Variants in DMXL2 observed in about 807,000 individuals in gnomAD.
The protein encoded by DMXL2 is Dmx like 2.
DMXL2 carries 103 observed loss-of-function variants against 331.1 expected under a neutral mutation model. The ratio of observed to expected loss-of-function variants is 0.31; its 90% CI spans 0.27 to 0.37. DMXL2 has a LOEUF of 0.37. Ranked by LOEUF, DMXL2 falls within the 10% of genes least tolerant of loss-of-function variation. The probability of loss-of-function intolerance (pLI) is 1.00; values close to 1 mark genes in which losing one functional copy is unlikely to be tolerated. For missense variants in DMXL2, 3,171 were observed against 3,642.9 expected (o/e 0.87, Z 3.33); for synonymous variants, 1,281 against 1,252.1 (o/e 1.02, Z -0.49).
At chr15:51,505,000 C>T (rs1430407430) in intron 16 of DMXL2, among the ~76,000 whole-genome samples, 1 of 152,198 alleles carries the variant, frequency 6.6e-6, no homozygotes, top group South Asian at 2.1e-4. Flanking sequence ...TATAATGGGA[C>T]TTGGTCAAGT....
intron 13 of DMXL2, among the ~76,000 whole-genome samples, chr15:51,518,319 C>A (rs534969953): frequency 6.6e-6 from 1 of 151,766 alleles, no homozygotes; most frequent in Non-Finnish European, 1.5e-5. Flanking sequence ...GGTGACAGGG[C>A]GAGACTCCGT....
chr15:51,469,762 G>A (rs1257177606), intron 29 of DMXL2, among the ~76,000 whole-genome samples: 2 of 152,246 alleles, frequency 1.3e-5, no homozygotes, highest in East Asian at 3.9e-4. Context: ...AAAAAGGTAG[G>A]AGTGGGAACT....
intron 1 of DMXL2, among the ~76,000 whole-genome samples, chr15:51,581,472 A>G (rs2051414591): frequency 6.6e-6 from 1 of 152,186 alleles, no homozygotes; most frequent in South Asian, 2.1e-4. Context: ...TAAATTTAAG[A>G]GACAAAAAAA....
intron 14 of DMXL2, among the ~76,000 whole-genome samples, chr15:51,516,028 T>A (rs887035741): frequency 2.6e-5 from 4 of 152,294 alleles, no homozygotes; most frequent in Admixed American, 2.6e-4. Context: ...ATGTATTTTA[T>A]CTATATTAGC....
chr15:51,534,047 C>A (rs1240628336), intron 13 of DMXL2, among the ~76,000 whole-genome samples: 1 of 152,004 alleles, frequency 6.6e-6, no homozygotes, highest in Non-Finnish European at 1.5e-5. Flanking sequence ...TCCAAATGTA[C>A]AAATACAGAA....
At chr15:51,453,740 G>C in intron 40 of DMXL2, 99 bp from the exon 41 acceptor site, 2 of 925,372 alleles carry the variant, frequency 2.2e-6, no homozygotes, top group Non-Finnish European at 1.7e-6. Context: ...ATATGCATGA[G>C]CTAAAAATAG....
At chr15:51,507,933 G>T (rs1001305221) in intron 15 of DMXL2, among the ~76,000 whole-genome samples, 6 of 151,988 alleles carry the variant, frequency 3.9e-5, no homozygotes, top group African/African-American at 1.5e-4. Flanking sequence ...TTTCCCTGCT[G>T]AAAATTAGAT....
At chr15:51,516,468 T>C (rs2047041744) in intron 14 of DMXL2, among the ~76,000 whole-genome samples, 1 of 152,230 alleles carries the variant, frequency 6.6e-6, no homozygotes, top group Admixed American at 6.5e-5. Flanking sequence ...GGTTACCCTC[T>C]ATTGAGTTGA....
chr15:51,478,698 G>C (rs1380317330), intron 25 of DMXL2, among the ~76,000 whole-genome samples: 1 of 151,984 alleles, frequency 6.6e-6, no homozygotes, highest in Non-Finnish European at 1.5e-5. Context: ...AAGAAAATAA[G>C]AATAGAATTT....
chr15:51,488,512 T>C, intron 21 of DMXL2, 36 bp downstream of exon 21: 3 of 1,533,772 alleles, frequency 2.0e-6, no homozygotes, highest in Non-Finnish European at 2.7e-6. Context: ...ACAATCTTCA[T>C]TCTGTTGAAT....
chr15:51,516,638 T>C (rs990560201), intron 14 of DMXL2, among the ~76,000 whole-genome samples: 4 of 152,250 alleles, frequency 2.6e-5, no homozygotes, highest in African/African-American at 9.6e-5. Flanking sequence ...TAATTCCTTT[T>C]TTAAAAAATT....
At chr15:51,489,164 A>C (rs186403720) in intron 20 of DMXL2, among the ~76,000 whole-genome samples, 4 of 152,350 alleles carry the variant, frequency 2.6e-5, no homozygotes, top group Non-Finnish European at 5.9e-5. Flanking sequence ...TACTGTCTTA[A>C]ACATAAGAGC....
At position 51,499,704 on chromosome 15, in the gene DMXL2, C is replaced by T; in HGVS notation, c.3520G>A (p.Val1174Ile). ...NIKHLVHLDW[V>I]SKEDGSHILT... ...ATGTGGGAGCCATCTTCTTTTGATA[C>T]CCAGTCCAAATGTACTAAATGTTTG... The change falls in exon 18 of 44, where the codon GTA becomes ATA. Residue 1174 changes from valine (V) to isoleucine (I), a missense_variant. Around this residue, in one of 7 missense-constraint regions of DMXL2, gnomAD observed 1,674 missense variants for 1,780.2 expected, o/e 0.94. Coordinates refer to ENST00000560891, the MANE Select transcript of DMXL2 (RefSeq NM_001378457.1). 2 of 1,614,038 alleles carry T rather than the reference C, an allele frequency of 1.2e-6. No individual in the cohort carries two copies. Among genetic ancestry groups the T allele is most frequent in the Non-Finnish European group, 1.7e-6 (2 of 1,180,008 alleles).
intron 1 of DMXL2, among the ~76,000 whole-genome samples, chr15:51,609,496 CA>C (rs1226981552): frequency 6.6e-6 from 1 of 152,208 alleles, no homozygotes; most frequent in Non-Finnish European, 1.5e-5. Flanking sequence ...ACCTTTTCTA[CA>C]TTTAGATATG....
intron 13 of DMXL2, among the ~76,000 whole-genome samples, chr15:51,529,539 T>C (rs955865953): frequency 1.3e-5 from 2 of 151,914 alleles, no homozygotes; most frequent in African/African-American, 4.8e-5. Context: ...ATACAACCTA[T>C]CAAGACTAAA....
intron 1 of DMXL2, among the ~76,000 whole-genome samples, chr15:51,591,681 G>A (rs1425717155): frequency 1.3e-5 from 2 of 152,174 alleles, no homozygotes; most frequent in Non-Finnish European, 2.9e-5. Flanking sequence ...GCACCCCCCA[G>A]TAGGGGCAGA....
chr15:51,503,012 G>A lies in DMXL2; in HGVS notation c.2786C>T (p.Ser929Phe). 6.2e-7 allele frequency: 1 copy of A among 1,612,780 alleles called. No individual in the cohort carries two copies. The highest frequency in any genetic ancestry group is 2.2e-5 in the East Asian group (1 of 44,868). ...ACLAKASEGA[S>F]SESLLSVPGQ... ...AGGGACTGAAAGTAGACTCTCAGAG[G>A]AAGCCCCTTCTGAAGCTTTAGCTTT... The change falls in exon 17 of 44, where the codon TCC (serine) becomes TTC (phenylalanine). Residue 929 changes from serine (S) to phenylalanine (F), a missense_variant. Coordinates refer to ENST00000560891, the MANE Select transcript of DMXL2 (RefSeq NM_001378457.1).
At chr15:51,606,372 T>A (rs540611763) in intron 1 of DMXL2, among the ~76,000 whole-genome samples, 18 of 152,110 alleles carry the variant, frequency 1.2e-4, no homozygotes, top group African/African-American at 3.9e-4. Flanking sequence ...AATTTCGTAT[T>A]TTTAGTAGAG....
intron 1 of DMXL2, among the ~76,000 whole-genome samples, chr15:51,600,298 G>T (rs539004449): frequency 6.6e-6 from 1 of 152,158 alleles, no homozygotes; most frequent in East Asian, 1.9e-4. Context: ...GGAGAGCTAG[G>T]TAGAATCTAC....
Sources: allele counts gnomAD v4.1 joint callset (sites outside exome capture counted in the v4.1 genomes callset), GRCh38; gene constraint gnomAD v4.1.1; regional missense constraint gnomAD v4.1.1; transcripts MANE v1.5; gene names NCBI Gene and HGNC (gene_info 2026-07-23, HGNC 2026-07-21).